Variants in HDLBP observed in about 807,000 individuals in gnomAD.
The protein encoded by HDLBP is vigilin.
In HDLBP, 30 loss-of-function variants were observed where a neutral mutation model predicts 137.3. That is an observed-to-expected ratio of 0.22 (90% CI 0.16 to 0.30). The LOEUF is 0.30. Ranked by LOEUF, HDLBP falls within the 10% of genes least tolerant of loss-of-function variation. HDLBP has a pLI of 1.00. For synonymous variants in HDLBP, 606 were observed against 596.0 expected, an observed-to-expected ratio of 1.02 and a Z score of -0.24; for missense variants, 1,119 against 1,667.3, an observed-to-expected ratio of 0.67 and a Z score of 5.73.
At position 241,233,894 on chromosome 2, in the gene HDLBP, C is replaced by T; in HGVS notation, c.3214G>A (p.Gly1072Arg). 6.2e-7 allele frequency: 1 copy of T among 1,614,130 alleles called. No homozygotes were observed. ...AACCGGATTTGGGTAATTACTGCCC[C>T]CTTTCTCCCGATAATCTTGGGATGG... ...KYHPKIIGRK[G>R]AVITQIRLEH... Residue 1072 changes from glycine (G) to arginine (R), a missense_variant, in exon 24 of 28, where the codon GGG (glycine) becomes AGG (arginine). By Grantham distance (125) the Gly-to-Arg change is moderately radical. Coordinates refer to ENST00000310931, the MANE Select transcript of HDLBP (RefSeq NM_005336.6). This position sits in a 1 kb window ranked among gnomAD's most constrained non-coding sequence, Gnocchi z 4.3.
At chr2:241,255,238 C>A in intron 8 of HDLBP, 80 bp from the exon 9 acceptor site, 1 of 1,451,350 alleles carries the variant, frequency 6.9e-7, no homozygotes, top group Non-Finnish European at 9.7e-7. Context: ...TCACCTGGGG[C>A]TCAGAGGCAC....
Position 241,235,477 on chromosome 2 carries a change from G to T in HDLBP, c.3009+13C>A. 2 of 1,604,182 alleles carry T rather than the reference G, an allele frequency of 1.2e-6. No homozygotes were observed. Among genetic ancestry groups the T allele is most frequent in the Non-Finnish European group, 1.7e-6 (2 of 1,171,132 alleles). On this transcript the variant is annotated intron_variant, in intron 22 of 27. Coordinates refer to ENST00000310931, the MANE Select transcript of HDLBP (RefSeq NM_005336.6). ...CCACTCCTGTGACATGGCCTCCCGGGAAAGGGGTCTACCTCAAACTCATCC... is the reference window on the plus strand; with the variant it reads ...CCACTCCTGTGACATGGCCTCCCGGTAAAGGGGTCTACCTCAAACTCATCC...
intron 5 of HDLBP, among the ~76,000 whole-genome samples, chr2:241,259,958 T>C (rs1350394226): frequency 6.6e-6 from 1 of 152,196 alleles, no homozygotes; most frequent in East Asian, 1.9e-4. Flanking sequence ...TATGTAAGAT[T>C]AGCCTGAGGC....
chr2:241,276,009 T>G (rs924653310), intron 1 of HDLBP, among the ~76,000 whole-genome samples: 10 of 152,246 alleles, frequency 6.6e-5, no homozygotes, highest in African/African-American at 2.4e-4. Context: ...GACCCTATAC[T>G]AATATCAACA....
intron 1 of HDLBP, among the ~76,000 whole-genome samples, chr2:241,309,737 T>C (rs1418543335): frequency 6.6e-6 from 1 of 152,236 alleles, no homozygotes; most frequent in East Asian, 1.9e-4. Flanking sequence ...AAGTAGAATC[T>C]TTGGACTGGG....
chr2:241,236,783 G>A lies in HDLBP; in HGVS notation c.2750-14C>T. On this transcript the variant is annotated splice_polypyrimidine_tract_variant and intron_variant, in intron 20 of 27. Coordinates refer to ENST00000310931, the MANE Select transcript of HDLBP (RefSeq NM_005336.6). ...CTGTACTGTGAACTAGAGAGAAAGG[G>A]GAAAAGGGACAGCTGACAGCTGCTG... 1 of 1,613,118 alleles carries A rather than the reference G, an allele frequency of 6.2e-7. No individual in the cohort carries two copies. Among genetic ancestry groups the A allele is most frequent in the Non-Finnish European group, 8.5e-7 (1 of 1,179,356 alleles).
At position 241,229,474 on chromosome 2, in the gene HDLBP, G is replaced by A; in HGVS notation, c.*127C>T. ...CAGCCAGGCGCTAGGCTCCCTGCGG[G>A]ACCTCGGGAAGGGGGAAGAGCGTCA... On this transcript the variant is annotated 3_prime_UTR_variant, in exon 28 of 28. Coordinates refer to ENST00000310931, the MANE Select transcript of HDLBP (RefSeq NM_005336.6). The A allele has an allele frequency of 1.4e-6, 1 of 708,898 alleles. No homozygotes were observed. The highest frequency in any genetic ancestry group is 2.4e-6 in the Non-Finnish European group (1 of 420,670). 43.9% of individuals were successfully genotyped at this position (708,898 alleles called of 1,614,324 possible).
At chr2:241,279,721 T>G (rs2074526847) in intron 1 of HDLBP, among the ~76,000 whole-genome samples, 1 of 152,148 alleles carries the variant, frequency 6.6e-6, no homozygotes, top group South Asian at 2.1e-4. Flanking sequence ...CTATTAAGGC[T>G]TAAGAAGCAA....
chr2:241,274,668 T>G (rs1183539456), intron 1 of HDLBP, among the ~76,000 whole-genome samples: 1 of 152,214 alleles, frequency 6.6e-6, no homozygotes, highest in Non-Finnish European at 1.5e-5. Flanking sequence ...CAGAAGAGAT[T>G]ACAAAATCAT....
rs1370421311 is a variant in HDLBP at position 241,229,693 on chromosome 2, C to T, written c.3721-6G>A. On this transcript the variant is annotated splice_region_variant and splice_polypyrimidine_tract_variant and intron_variant, in intron 27 of 27. Coordinates refer to ENST00000310931, the MANE Select transcript of HDLBP (RefSeq NM_005336.6). ...GAGCTGCTCATGTCAGGAGCCTGTGCAGAGAGAGGACACGGCTTCAGGAGG... is the reference window on the plus strand; with the variant it reads ...GAGCTGCTCATGTCAGGAGCCTGTGTAGAGAGAGGACACGGCTTCAGGAGG... The T allele has an allele frequency of 3.1e-6, 5 of 1,613,984 alleles. No individual in the cohort carries two copies. In the East Asian group the frequency reaches 1.1e-4, roughly 36 times the overall value.
chr2:241,263,466 A>G (rs2073368453), intron 4 of HDLBP, among the ~76,000 whole-genome samples: 1 of 152,120 alleles, frequency 6.6e-6, no homozygotes, highest in Non-Finnish European at 1.5e-5. Flanking sequence ...TGCTTTATGG[A>G]GAAGAACTGA....
At chr2:241,253,068 C>T (rs1480730779) in intron 10 of HDLBP, 33 bp from the exon 11 acceptor site, 14 of 1,527,006 alleles carry the variant, frequency 9.2e-6, no homozygotes, top group South Asian at 2.2e-5. Flanking sequence ...CATGGATGCG[C>T]CTGGTTACTT....
At chr2:241,313,330 A>C (rs1431753110) in intron 1 of HDLBP, among the ~76,000 whole-genome samples, 3 of 152,168 alleles carry the variant, frequency 2.0e-5, no homozygotes, top group African/African-American at 7.2e-5. Context: ...CCCAGGCTAG[A>C]GTGCAGTGCT....
chr2:241,248,203 T>C (rs1276663659), intron 13 of HDLBP, 41 bp downstream of exon 13: 1 of 1,563,392 alleles, frequency 6.4e-7, no homozygotes. Context: ...GTGACTTGGA[T>C]CACTCCTATA....
chr2:241,250,336 T>C (rs2072030105), intron 11 of HDLBP: 1 of 176,886 alleles, frequency 5.7e-6, no homozygotes, highest in Admixed American at 5.8e-5. Context: ...GTTTCTAATG[T>C]GCAGTAAGTT....
At chr2:241,273,242 C>T (rs983326005) in intron 1 of HDLBP, 30 of 985,358 alleles carry the variant, frequency 3.0e-5, no homozygotes, top group Admixed American at 1.2e-4. Context: ...CGCAGTGAGG[C>T]TCCCAGGCGG....
chr2:241,262,579 G>T, intron 5 of HDLBP, 132 bp downstream of exon 5: 1 of 645,418 alleles, frequency 1.5e-6, no homozygotes, highest in Non-Finnish European at 2.8e-6. Context: ...TCTGAATGTT[G>T]CTGTCCTACC....
Position 241,266,876 on chromosome 2 carries a change from T to G in HDLBP, c.-7A>C, listed in dbSNP as rs1243852766. ...AAACTGCAACGGAACTCATGGTTGA[T>G]CTCACACCTACACACAATCCGGGAA... On this transcript the variant is annotated 5_prime_UTR_variant, in exon 3 of 28. Transcript: ENST00000310931. The G allele has an allele frequency of 3.1e-6, 5 of 1,613,894 alleles. No individual in the cohort carries two copies. Among genetic ancestry groups the G allele is most frequent in the Non-Finnish European group, 4.2e-6 (5 of 1,179,892 alleles).
At chr2:241,274,472 G>C (rs1043211220) in intron 1 of HDLBP, among the ~76,000 whole-genome samples, 6 of 152,176 alleles carry the variant, frequency 3.9e-5, no homozygotes, top group African/African-American at 1.4e-4. Context: ...AGCAACTAGT[G>C]CAAGTGTGTT....
Sources: allele counts gnomAD v4.1 joint callset (sites outside exome capture counted in the v4.1 genomes callset), GRCh38; gene constraint gnomAD v4.1.1; non-coding constraint Gnocchi (gnomAD v3.1); transcripts MANE v1.5; gene names NCBI Gene and HGNC (gene_info 2026-07-23, HGNC 2026-07-21).